ANKRD11: variants seen among roughly 807,000 people sequenced by gnomAD.
The protein encoded by ANKRD11 is ankyrin repeat domain-containing protein 11.
Under a neutral mutation model 195.7 loss-of-function variants are expected in ANKRD11, and 17 were observed. That is an observed-to-expected ratio of 0.09 (90% CI 0.06 to 0.13). The LOEUF is 0.13. Among genes scored for constraint, ANKRD11 ranks in the 10% least tolerant of loss-of-function variants. The pLI, the probability that ANKRD11 is intolerant of heterozygous loss-of-function variation, is 1.00. For missense variants in ANKRD11, 3,735 were observed against 3,566.1 expected (o/e 1.05, Z -1.21); for synonymous variants, 1,953 against 1,528.1 (o/e 1.28, Z -6.49).
intron 1 of ANKRD11, among the ~76,000 whole-genome samples, chr16:89,441,511 T>C (rs1014912374): frequency 2.0e-5 from 3 of 152,080 alleles, no homozygotes; most frequent in Non-Finnish European, 2.9e-5. Context: ...CTCACGCCTG[T>C]AATCCCAGCA....
chr16:89,287,753 C>A, intron 7 of ANKRD11: 1 of 174,166 alleles, frequency 5.7e-6, no homozygotes, highest in Non-Finnish European at 1.2e-5. Flanking sequence ...CCCCCCACCC[C>A]ACCGGAACAA....
chr16:89,334,908 T>C (rs1399067579), intron 2 of ANKRD11, among the ~76,000 whole-genome samples: 2 of 152,042 alleles, frequency 1.3e-5, no homozygotes, highest in South Asian at 4.2e-4. Context: ...GCCTTCTGCA[T>C]GCATGAGGGC....
At chr16:89,469,496 T>C (rs2056997582) in intron 1 of ANKRD11, among the ~76,000 whole-genome samples, 1 of 152,034 alleles carries the variant, frequency 6.6e-6, no homozygotes, top group Non-Finnish European at 1.5e-5. Context: ...GTGCTAGAAT[T>C]ACAGGCGTGA....
At chr16:89,396,926 A>T (rs1339406118) in intron 2 of ANKRD11, among the ~76,000 whole-genome samples, 1 of 146,760 alleles carries the variant, frequency 6.8e-6, no homozygotes, top group African/African-American at 2.5e-5. Context: ...ACCTCAGGTG[A>T]TCCAGCTGCC....
chr16:89,469,175 G>C (rs2056984100), intron 1 of ANKRD11, among the ~76,000 whole-genome samples: 2 of 150,446 alleles, frequency 1.3e-5, no homozygotes, highest in African/African-American at 2.4e-5. Flanking sequence ...GCGAGGCTCT[G>C]TTTCAAAAAA....
intron 1 of ANKRD11, among the ~76,000 whole-genome samples, chr16:89,439,912 G>T (rs936990793): frequency 2.0e-5 from 3 of 152,194 alleles, no homozygotes; most frequent in Admixed American, 2.0e-4. Context: ...AGAAGTCAAA[G>T]ACTCCAGCTC....
intron 1 of ANKRD11, among the ~76,000 whole-genome samples, chr16:89,460,731 T>A (rs2056624891): frequency 6.6e-6 from 1 of 152,168 alleles, no homozygotes. Context: ...AGCAAGACTC[T>A]GTCTCAAAAA....
intron 2 of ANKRD11, among the ~76,000 whole-genome samples, chr16:89,413,852 C>CT (rs1365656797): frequency 2.6e-5 from 4 of 152,166 alleles, no homozygotes; most frequent in Non-Finnish European, 4.4e-5. Context: ...GAAAGAGCCT[C>CT]TCTCTGCTTT....
chr16:89,338,688 G>C (rs950902846), intron 2 of ANKRD11, among the ~76,000 whole-genome samples: 1 of 119,458 alleles, frequency 8.4e-6, no homozygotes, highest in Non-Finnish European at 1.6e-5. Flanking sequence ...TCACGCCACT[G>C]CCCTCCAGCC....
At chr16:89,348,907 C>T (rs912939918) in intron 2 of ANKRD11, among the ~76,000 whole-genome samples, 3 of 148,168 alleles carry the variant, frequency 2.0e-5, no homozygotes, top group African/African-American at 7.4e-5. Context: ...CCGGGCATAT[C>T]ACCTGAAATC....
intron 2 of ANKRD11, among the ~76,000 whole-genome samples, chr16:89,348,771 T>C (rs1381349808): frequency 6.6e-6 from 1 of 151,962 alleles, no homozygotes; most frequent in Non-Finnish European, 1.5e-5. Flanking sequence ...TGAATGGCTA[T>C]AAGATCACAG....
intron 1 of ANKRD11, among the ~76,000 whole-genome samples, chr16:89,471,485 T>C (rs2057082585): frequency 6.6e-6 from 1 of 151,698 alleles, no homozygotes; most frequent in Non-Finnish European, 1.5e-5. Flanking sequence ...TAGGCCACCA[T>C]GGAGACACTT....
intron 2 of ANKRD11, among the ~76,000 whole-genome samples, chr16:89,415,850 A>AAAAAC (rs928499930): frequency 6.8e-6 from 1 of 147,384 alleles, no homozygotes; most frequent in Non-Finnish European, 1.5e-5. Context: ...AAAAAAAAAA[A>AAAAAC]CAATGGAGAA....
At chr16:89,431,540 C>A (rs868278797) in intron 1 of ANKRD11, among the ~76,000 whole-genome samples, 1 of 152,192 alleles carries the variant, frequency 6.6e-6, no homozygotes, top group Non-Finnish European at 1.5e-5. Flanking sequence ...CGCAGTAGCA[C>A]TGAACCTACA....
Position 89,279,448 on chromosome 16 carries a change from G to T in ANKRD11, c.7094C>A (p.Pro2365Gln). 4 of 1,485,498 alleles carry T rather than the reference G, an allele frequency of 2.7e-6. No homozygotes were observed. Among genetic ancestry groups the T allele is most frequent in the Non-Finnish European group, 3.6e-6 (4 of 1,104,986 alleles). The allele number at this position is 1,485,498 out of a possible 1,614,324, so 92.0% of individuals were successfully genotyped here. The change falls in exon 9 of 13, where the codon CCG becomes CAG. Residue 2365 changes from proline (P) to glutamine (Q), a missense_variant. By Grantham distance (76) the Pro-to-Gln change is moderately conservative. Coordinates refer to ENST00000301030, the MANE Select transcript of ANKRD11 (RefSeq NM_013275.6). The surrounding 1 kb of genome is among the most constrained non-coding windows in gnomAD (Gnocchi z 5.6). ...GCCGCGGGCCTTGGCCCTGGTGACC[G>T]GGGCAGGGGTGGGGGCGCACTCCTT... Reference protein sequence around the residue: ...SEKECAPTPAPVTRAKARGSE... With the variant: ...SEKECAPTPAQVTRAKARGSE...
intron 1 of ANKRD11, chr16:89,431,255 CAT>C (rs969854244): frequency 1.3e-5 from 2 of 152,502 alleles, no homozygotes; most frequent in African/African-American, 4.8e-5. Flanking sequence ...TCTTTACCCA[CAT>C]GTCTGCATCA....
intron 1 of ANKRD11, among the ~76,000 whole-genome samples, chr16:89,447,688 C>T (rs773593418): frequency 5.9e-5 from 9 of 152,152 alleles, no homozygotes; most frequent in African/African-American, 2.2e-4. Context: ...CGCAGGCCCT[C>T]GGCCTCCCAA....
intron 2 of ANKRD11, among the ~76,000 whole-genome samples, chr16:89,396,845 C>G (rs992075304): frequency 6.6e-6 from 1 of 152,150 alleles, no homozygotes; most frequent in Non-Finnish European, 1.5e-5. Flanking sequence ...CACCACCACA[C>G]CCGGCTAATT....
intron 1 of ANKRD11, among the ~76,000 whole-genome samples, chr16:89,426,300 A>G (rs2042711858): frequency 6.6e-6 from 1 of 152,180 alleles, no homozygotes; most frequent in Non-Finnish European, 1.5e-5. Context: ...AAGTGACACA[A>G]AAGCCAACAG....
Sources: allele counts gnomAD v4.1 joint callset (sites outside exome capture counted in the v4.1 genomes callset), GRCh38; gene constraint gnomAD v4.1.1; non-coding constraint Gnocchi (gnomAD v3.1); transcripts MANE v1.5; gene names NCBI Gene and HGNC (gene_info 2026-07-23, HGNC 2026-07-21).